Variants in ROBO1 observed in about 807,000 individuals in gnomAD.
The protein encoded by ROBO1 is roundabout homolog 1.
ROBO1 carries 149 observed loss-of-function variants against 195.9 expected under a neutral mutation model. The ratio of observed to expected loss-of-function variants is 0.76; its 90% CI spans 0.67 to 0.87. The LOEUF (loss-of-function observed/expected upper bound fraction) is 0.87. Ranked by LOEUF, ROBO1 falls within the 40% of genes least tolerant of loss-of-function variation. The pLI is 0.00. For synonymous variants in ROBO1, 816 were observed against 733.2 expected, an observed-to-expected ratio of 1.11 and a Z score of -1.82; for missense variants, 1,933 against 2,068.3, an observed-to-expected ratio of 0.93 and a Z score of 1.27.
intron 10 of ROBO1, among the ~76,000 whole-genome samples, chr3:78,671,845 A>G (rs908612420): frequency 2.0e-5 from 3 of 152,164 alleles, no homozygotes; most frequent in Admixed American, 2.0e-4. Context: ...AAACAATCCA[A>G]TATCTGGGAA....
intron 2 of ROBO1, among the ~76,000 whole-genome samples, chr3:79,135,829 G>A (rs1162919135): frequency 2.0e-5 from 3 of 152,086 alleles, no homozygotes. Context: ...TAGAGAGGGG[G>A]TTTCTCCATG....
intron 2 of ROBO1, among the ~76,000 whole-genome samples, chr3:79,422,050 G>T (rs2038243958): frequency 1.3e-5 from 2 of 148,444 alleles, no homozygotes; most frequent in South Asian, 4.2e-4. Flanking sequence ...GAGTTAAAAT[G>T]TATATTTTAT....
rs556420822 is a variant in ROBO1 at position 79,043,219 on chromosome 3, G to A, written c.172+82237C>T. ...GTTTGTGGATATTTAGCTTAATACA[G>A]TACAAAAAACAAGCCACATCAAATA... On this transcript the variant is annotated intron_variant, in intron 3 of 30. Transcript: ENST00000464233. Among the ~76,000 whole-genome samples, 124 of 152,068 alleles carry A rather than the reference G, an allele frequency of 8.2e-4. 1 individual carries two copies. Among genetic ancestry groups the A allele is most frequent in the Admixed American group, 1.1e-3 (17 of 15,262 alleles).
chr3:79,008,576 T>C (rs148073999), intron 3 of ROBO1, among the ~76,000 whole-genome samples: 5 of 151,610 alleles, frequency 3.3e-5, no homozygotes, highest in Admixed American at 3.3e-4. Flanking sequence ...CATATATACA[T>C]ATATATATTT....
chr3:79,557,677 G>C (rs1478196284), intron 2 of ROBO1, among the ~76,000 whole-genome samples: 1 of 139,136 alleles, frequency 7.2e-6, no homozygotes, highest in African/African-American at 2.9e-5. Flanking sequence ...GATGTTCGGT[G>C]ACCCGAGATC....
intron 4 of ROBO1, among the ~76,000 whole-genome samples, chr3:78,930,864 T>G (rs2039483254): frequency 6.6e-6 from 1 of 152,212 alleles, no homozygotes; most frequent in African/African-American, 2.4e-5. Flanking sequence ...TAGGTGATGT[T>G]TTAAAATGTA....
At chr3:79,378,020 A>G (rs950435211) in intron 2 of ROBO1, among the ~76,000 whole-genome samples, 1 of 151,884 alleles carries the variant, frequency 6.6e-6, no homozygotes, top group Non-Finnish European at 1.5e-5. Flanking sequence ...CACCCTGCCA[A>G]CCTCTGCCCC....
chr3:78,674,838 T>C (rs1708297952), intron 10 of ROBO1, among the ~76,000 whole-genome samples: 1 of 152,178 alleles, frequency 6.6e-6, no homozygotes, highest in Non-Finnish European at 1.5e-5. Context: ...TTTTTATGTA[T>C]ACCTATATAT....
At chr3:79,702,563 T>C (rs926527503) in intron 1 of ROBO1, among the ~76,000 whole-genome samples, 2 of 151,870 alleles carry the variant, frequency 1.3e-5, no homozygotes, top group Non-Finnish European at 2.9e-5. Flanking sequence ...TCTTCAGGCA[T>C]TGGTATTGAT....
intron 3 of ROBO1, among the ~76,000 whole-genome samples, chr3:79,057,362 G>T (rs1194692780): frequency 6.6e-6 from 1 of 152,022 alleles, no homozygotes; most frequent in African/African-American, 2.4e-5. Flanking sequence ...TCAATCCCCT[G>T]TCTGGGTGCC....
At chr3:79,078,125 G>A (rs1320518575) in intron 3 of ROBO1, among the ~76,000 whole-genome samples, 1 of 151,660 alleles carries the variant, frequency 6.6e-6, no homozygotes, top group African/African-American at 2.4e-5. Flanking sequence ...ATAAAATGAA[G>A]AAAAAGTGAA....
intron 2 of ROBO1, among the ~76,000 whole-genome samples, chr3:79,326,249 A>T (rs562170212): frequency 7.9e-5 from 12 of 152,090 alleles, no homozygotes; most frequent in African/African-American, 2.7e-4. Context: ...TTGCCTTGTG[A>T]TATTCTATTA....
intron 2 of ROBO1, among the ~76,000 whole-genome samples, chr3:79,409,266 A>C (rs1000576325): frequency 2.6e-5 from 4 of 151,914 alleles, no homozygotes; most frequent in African/African-American, 4.8e-5. Flanking sequence ...AGAATATGAC[A>C]AAAAAAAGAT....
At chr3:78,751,889 G>A (rs183480520) in intron 4 of ROBO1, among the ~76,000 whole-genome samples, 19 of 152,002 alleles carry the variant, frequency 1.2e-4, no homozygotes, top group Admixed American at 7.9e-4. Flanking sequence ...ATTAGAAGTG[G>A]GTATCTTGGG....
At chr3:79,525,608 CTTTT>C (rs371275904) in intron 2 of ROBO1, among the ~76,000 whole-genome samples, 1 of 133,328 alleles carries the variant, frequency 7.5e-6, no homozygotes, top group Non-Finnish European at 1.6e-5. Context: ...GAACTTTACA[CTTTT>C]TTTTTTTTTT....
intron 2 of ROBO1, among the ~76,000 whole-genome samples, chr3:79,390,276 C>T (rs916998428): frequency 4.0e-5 from 6 of 151,356 alleles, no homozygotes; most frequent in Non-Finnish European, 5.9e-5. Context: ...AATAGGATAC[C>T]GGCTCTGAAA....
In ROBO1 at chr3:78,982,554, A is replaced by T. The variant is rs181131110; in HGVS notation, c.173-43627T>A. Among the ~76,000 whole-genome samples the T allele has an allele frequency of 5.3e-5, 8 of 152,338 alleles. 1 individual carries two copies. The highest frequency in any genetic ancestry group is 5.2e-4 in the Admixed American group (8 of 15,310). ...AAAATAATATCTTAAAATTATAGAA[A>T]TATCAGAGATGCTGACTTAAAGTCA... On this transcript the variant is annotated intron_variant, in intron 3 of 30. Coordinates refer to ENST00000464233, the MANE Select transcript of ROBO1 (RefSeq NM_002941.4).
intron 3 of ROBO1, among the ~76,000 whole-genome samples, chr3:79,040,386 T>G (rs2108330010): frequency 6.6e-6 from 1 of 152,310 alleles, no homozygotes; most frequent in Non-Finnish European, 1.5e-5. Flanking sequence ...AAATCATCAT[T>G]GAATTACTCT....
At position 79,125,556 on chromosome 3, in the gene ROBO1, C is replaced by T; in HGVS notation, c.89-17G>A. On this transcript the variant is annotated splice_polypyrimidine_tract_variant and intron_variant, in intron 2 of 30. Transcript: ENST00000464233. ...CTTCAGGGTCTGTCGGAAACAACACCAGAGCTGCTGATGGGGTCACAGTAG... is the reference window on the plus strand; with the variant it reads ...CTTCAGGGTCTGTCGGAAACAACACTAGAGCTGCTGATGGGGTCACAGTAG... 6.2e-7 allele frequency: 1 copy of T among 1,606,834 alleles called. No homozygotes were observed. Among genetic ancestry groups the T allele is most frequent in the African/African-American group, 1.3e-5 (1 of 74,888 alleles).
Sources: gnomAD v4.1 joint callset for allele counts (sites outside exome capture counted in the v4.1 genomes callset) on GRCh38, gnomAD v4.1.1 for gene constraint, MANE v1.5 for transcripts, NCBI Gene and HGNC (gene_info 2026-07-23, HGNC 2026-07-21) for gene names.